Variants in SP140 observed in about 807,000 individuals in gnomAD.
SP140 encodes SP140 nuclear body protein.
Under a neutral mutation model 125.0 loss-of-function variants are expected in SP140, and 81 were observed. That is an observed-to-expected ratio of 0.65 (90% CI 0.54 to 0.78). The LOEUF is 0.78. SP140 is among the 30% of genes least tolerant of loss of function. The pLI is 0.00. For missense variants in SP140, 858 were observed against 1,037.0 expected (o/e 0.83, Z 2.37); for synonymous variants, 312 against 354.0 (o/e 0.88, Z 1.33).
chr2:230,269,839 G>A lies in SP140; in HGVS notation c.1330G>A (p.Ala444Thr). ...SSLLYDNVPGAEQSAYENEKC... is the reference protein window; with the variant it reads ...SSLLYDNVPGTEQSAYENEKC... ...CATGAATCACAATTTTGGCCCAGGAGCGGAGCAATCAGCATATGAAAATGA... is the reference window on the plus strand; with the variant it reads ...CATGAATCACAATTTTGGCCCAGGAACGGAGCAATCAGCATATGAAAATGA... The change falls in exon 14 of 27, where the codon GCG (alanine) becomes ACG (threonine). Residue 444 changes from alanine (A) to threonine (T), a missense_variant and splice_region_variant. This residue lies in a region of SP140 where 791 missense variants were observed against 869.5 expected (regional missense o/e 0.91). Coordinates refer to ENST00000392045, the MANE Select transcript of SP140 (RefSeq NM_007237.5). 1 of 1,613,072 alleles carries A rather than the reference G, an allele frequency of 6.2e-7. No homozygotes were observed. Among genetic ancestry groups the A allele is most frequent in the Non-Finnish European group, 8.5e-7 (1 of 1,179,056 alleles).
chr2:230,275,300 C>T (rs2054547597), intron 15 of SP140, among the ~76,000 whole-genome samples: 1 of 150,472 alleles, frequency 6.6e-6, no homozygotes, highest in Non-Finnish European at 1.5e-5. Flanking sequence ...TTGTGACAAC[C>T]CTGTGTCAAA....
At chr2:230,233,649 A>G (rs1360244759) in intron 1 of SP140, among the ~76,000 whole-genome samples, 1 of 152,236 alleles carries the variant, frequency 6.6e-6, no homozygotes, top group African/African-American at 2.4e-5. Flanking sequence ...TTTAGAAATA[A>G]TAGTAGTGAA....
At chr2:230,207,391 T>A (rs1053818154) in intron 1 of SP140, among the ~76,000 whole-genome samples, 2 of 152,196 alleles carry the variant, frequency 1.3e-5, no homozygotes, top group African/African-American at 4.8e-5. Context: ...AGATACCTTG[T>A]GTTCCTGCAG....
chr2:230,207,583 A>G (rs1259293984), intron 1 of SP140, among the ~76,000 whole-genome samples: 1 of 152,146 alleles, frequency 6.6e-6, no homozygotes, highest in Non-Finnish European at 1.5e-5. Context: ...TCCCTCAGCA[A>G]TGGGCATTAC....
intron 20 of SP140, 83 bp from the exon 21 acceptor site, chr2:230,294,188 A>G: frequency 1.8e-6 from 2 of 1,093,960 alleles, no homozygotes; most frequent in South Asian, 1.3e-5. Context: ...TCAGGTAGAA[A>G]TATTTGGGAG....
upstream of SP140, among the ~76,000 whole-genome samples, chr2:230,222,687 C>A (rs11894013): frequency 1.3e-5 from 2 of 150,574 alleles, no homozygotes. Flanking sequence ...CAGAGTGAGA[C>A]CCTGTCTCAA....
intron 22 of SP140, 43 bp downstream of exon 22, chr2:230,297,505 C>A: frequency 6.2e-7 from 1 of 1,602,256 alleles, no homozygotes; most frequent in Non-Finnish European, 8.6e-7. Context: ...ATATTCCACT[C>A]CTTTCTCCAG....
chr2:230,196,391 T>G, the SP140 span, among the ~76,000 whole-genome samples: 1 of 152,042 alleles, frequency 6.6e-6, no homozygotes, highest in African/African-American at 2.4e-5. Flanking sequence ...GATACAGAGA[T>G]GATACACAAT....
At chr2:230,276,019 G>T (rs2054658276) in intron 15 of SP140, among the ~76,000 whole-genome samples, 1 of 152,102 alleles carries the variant, frequency 6.6e-6, no homozygotes, top group Non-Finnish European at 1.5e-5. Flanking sequence ...GGTTCCTGAG[G>T]TTGAAGGAAA....
chr2:230,309,012 G>C (rs865807849), intron 22 of SP140, among the ~76,000 whole-genome samples: 1 of 152,144 alleles, frequency 6.6e-6, no homozygotes, highest in Non-Finnish European at 1.5e-5. Context: ...AATTCTGTTG[G>C]TTTTTAATGA....
At chr2:230,292,606 A>C in intron 19 of SP140, 40 bp from the exon 20 acceptor site, 1 of 1,612,422 alleles carries the variant, frequency 6.2e-7, no homozygotes, top group South Asian at 1.1e-5. Flanking sequence ...GTGCGCTGGG[A>C]AAAAAGAGGG....
At chr2:230,232,066 T>G (rs1475114691) in intron 1 of SP140, among the ~76,000 whole-genome samples, 1 of 152,216 alleles carries the variant, frequency 6.6e-6, no homozygotes, top group African/African-American at 2.4e-5. Context: ...ATTTTGGTAG[T>G]CACCCTTCCC....
chr2:230,283,036 A>C (rs1180520458), intron 15 of SP140, among the ~76,000 whole-genome samples: 1 of 152,114 alleles, frequency 6.6e-6, no homozygotes, highest in Non-Finnish European at 1.5e-5. Context: ...CCCCCTAACA[A>C]ATGACTGAGA....
upstream of SP140, chr2:230,221,736 C>T (rs2148982746): frequency 6.5e-7 from 1 of 1,535,932 alleles, no homozygotes; most frequent in South Asian, 1.2e-5. Context: ...TGGAAAGCCC[C>T]TTCATGGGCA....
intron 12 of SP140, among the ~76,000 whole-genome samples, chr2:230,263,720 C>T (rs189580458): frequency 1.2e-4 from 19 of 152,196 alleles, no homozygotes; most frequent in East Asian, 5.8e-4. Flanking sequence ...ATCTTTCCTT[C>T]GTATATGATG....
chr2:230,304,497 C>G (rs1274068731), intron 22 of SP140, among the ~76,000 whole-genome samples: 1 of 152,184 alleles, frequency 6.6e-6, no homozygotes, highest in Non-Finnish European at 1.5e-5. Flanking sequence ...TACCTGACTT[C>G]AAACTATACT....
intron 1 of SP140, among the ~76,000 whole-genome samples, chr2:230,226,762 C>CAAAAAAAAAAAAAAAAAAAAAAAAAAAA (rs11323886): frequency 1.1e-5 from 1 of 94,266 alleles, no homozygotes; most frequent in Non-Finnish European, 2.1e-5. Flanking sequence ...AATTCCATCT[C>CAAAAAAAAAAAAAAAAAAAAAAAAAAAA]AAAAAAAAAA....
chr2:230,249,191 G>T (rs1211656402), intron 9 of SP140, among the ~76,000 whole-genome samples: 2 of 152,250 alleles, frequency 1.3e-5, no homozygotes, highest in East Asian at 3.9e-4. Flanking sequence ...TTCTGCATGG[G>T]GAATGTAGGG....
At chr2:230,187,562 T>G in the SP140 span, among the ~76,000 whole-genome samples, 1 of 152,306 alleles carries the variant, frequency 6.6e-6, no homozygotes, top group African/African-American at 2.4e-5. Context: ...ATGAATTCTT[T>G]GCCTAGGCCA....
Sources: allele counts gnomAD v4.1 joint callset (sites outside exome capture counted in the v4.1 genomes callset), GRCh38; gene constraint gnomAD v4.1.1; regional missense constraint gnomAD v4.1.1; transcripts MANE v1.5; gene names NCBI Gene and HGNC (gene_info 2026-07-23, HGNC 2026-07-21).